POLR3H: variants seen among roughly 807,000 people sequenced by gnomAD.
The protein encoded by POLR3H is RNA polymerase III subunit H.
A neutral mutation model predicts 25.5 loss-of-function variants in POLR3H; 17 were observed. The ratio of observed to expected loss-of-function variants is 0.67; its 90% CI spans 0.46 to 1.00. The LOEUF is 1.00. POLR3H is among the 50% of genes least tolerant of loss of function. POLR3H has a pLI of 0.00. For synonymous variants in POLR3H, 129 were observed against 103.0 expected, an observed-to-expected ratio of 1.25 and a Z score of -1.53; for missense variants, 274 against 265.0, an observed-to-expected ratio of 1.03 and a Z score of -0.24.
Position 41,526,518 on chromosome 22 carries a change from A to AG in POLR3H, c.*2764dup. 6.5e-7 allele frequency: 1 copy of AG among 1,541,436 alleles called. No homozygotes were observed. The highest frequency in any genetic ancestry group is 8.8e-7 in the Non-Finnish European group (1 of 1,136,566). ...CTGAAGGGGCCTGCAAGGCAGGTGCAGGGAGGACATTAGGGGAGTGGAAAC... is the reference window on the plus strand; with the variant it reads ...CTGAAGGGGCCTGCAAGGCAGGTGCAGGGGAGGACATTAGGGGAGTGGAAAC... On this transcript the variant is annotated 3_prime_UTR_variant, in exon 6 of 6. Transcript: ENST00000355209.
intron 2 of POLR3H, among the ~76,000 whole-genome samples, chr22:41,536,263 C>T (rs1212450298): frequency 2.7e-5 from 4 of 149,700 alleles, no homozygotes; most frequent in East Asian, 4.1e-4. Context: ...GGCGTGGTGG[C>T]GGGCACCTGT....
At position 41,527,853 on chromosome 22, in the gene POLR3H, C is replaced by G; in HGVS notation, c.*1430G>C. 6.2e-7 allele frequency: 1 copy of G among 1,613,828 alleles called. No individual in the cohort carries two copies. On this transcript the variant is annotated 3_prime_UTR_variant, in exon 6 of 6. Transcript: ENST00000355209. Reference sequence around the variant, plus strand: ...CCAGATGGGTTCAGAAAATGAAGCTCTCCAGGCTAGTCAGGCCCCCGATGA... The same window carrying G: ...CCAGATGGGTTCAGAAAATGAAGCTGTCCAGGCTAGTCAGGCCCCCGATGA...
At chr22:41,538,648 G>A (rs890260075) in intron 2 of POLR3H, among the ~76,000 whole-genome samples, 2 of 152,198 alleles carry the variant, frequency 1.3e-5, no homozygotes, top group South Asian at 4.1e-4. Flanking sequence ...CTGTCCAAAT[G>A]CGGAGACTGG....
At position 41,528,493 on chromosome 22, in the gene POLR3H, C is replaced by T; in HGVS notation, c.*790G>A. 1 of 1,612,322 alleles carries T rather than the reference C, an allele frequency of 6.2e-7. No individual in the cohort carries two copies. Among genetic ancestry groups the T allele is most frequent in the Non-Finnish European group, 8.5e-7 (1 of 1,180,008 alleles). ...TCTCCTTGCAGCCCCTGAAGTGCAT[C>T]ATCAAGCACCCCAACGGGACCCAGG... On this transcript the variant is annotated 3_prime_UTR_variant, in exon 6 of 6. Transcript: ENST00000355209.
In POLR3H at chr22:41,544,129, C is replaced by T; in HGVS notation, c.-28G>A. 6.9e-7 allele frequency: 1 copy of T among 1,456,622 alleles called. No individual in the cohort carries two copies. Among genetic ancestry groups the T allele is most frequent in the Admixed American group, 1.7e-5 (1 of 58,848 alleles). The allele number at this position is 1,456,622 out of a possible 1,614,324, so 90.2% of individuals were successfully genotyped here. A position where few individuals can be genotyped will look rare whatever the true frequency, so the allele number is the denominator to read the frequency against. ...CGGCCTGCGCTGGGGGCTCTGGGAA[C>T]AGGAGGGTCAGTCACGCACCAGGGC... On this transcript the variant is annotated 5_prime_UTR_variant, in exon 1 of 6. Coordinates refer to ENST00000355209, the MANE Select transcript of POLR3H (RefSeq NM_001018050.4).
At chr22:41,533,394 G>C (rs2066781610) in intron 2 of POLR3H, 1 of 664,138 alleles carries the variant, frequency 1.5e-6, no homozygotes, top group Admixed American at 4.3e-5. Flanking sequence ...CTGAGAATCA[G>C]CACGCGGCTG....
Position 41,527,898 on chromosome 22 carries a change from C to T in POLR3H, c.*1385G>A. On this transcript the variant is annotated 3_prime_UTR_variant, in exon 6 of 6. Transcript: ENST00000355209. ...CGATGACCGAATGCCGCCTGCTTTC[C>T]AGAGACCAACCTGAAGAAACAGGGC... The T allele has an allele frequency of 6.2e-7, 1 of 1,614,200 alleles. No individual in the cohort carries two copies. Among genetic ancestry groups the T allele is most frequent in the Non-Finnish European group, 8.5e-7 (1 of 1,180,036 alleles).
chr22:41,540,996 T>C (rs2145572340), intron 1 of POLR3H, among the ~76,000 whole-genome samples: 1 of 152,172 alleles, frequency 6.6e-6, no homozygotes, highest in African/African-American at 2.4e-5. Flanking sequence ...GGGCCTCGGG[T>C]GACAAAACAG....
At chr22:41,538,979 G>C (rs1020986434) in intron 2 of POLR3H, among the ~76,000 whole-genome samples, 2 of 152,156 alleles carry the variant, frequency 1.3e-5, no homozygotes, top group African/African-American at 4.8e-5. Flanking sequence ...AACAGTCTTT[G>C]GGGCTGGGGG....
At chr22:41,533,539 T>C (rs909332543) in intron 2 of POLR3H, 7 of 1,245,594 alleles carry the variant, frequency 5.6e-6, no homozygotes, top group Non-Finnish European at 6.2e-6. Context: ...GGCCACCGGG[T>C]CGAATCTTGC....
chr22:41,542,824 GAAACCCC>G (rs1306945578), intron 1 of POLR3H, among the ~76,000 whole-genome samples: 1 of 152,118 alleles, frequency 6.6e-6, no homozygotes, highest in African/African-American at 2.4e-5. Context: ...CCAACATGGT[GAAACCCC>G]GTCTCTACTA....
At chr22:41,533,512 C>T (rs2066785446) in intron 2 of POLR3H, 6 of 1,220,328 alleles carry the variant, frequency 4.9e-6, no homozygotes, top group Non-Finnish European at 6.3e-6. Context: ...CCTGGTCTTT[C>T]TGTACCCACC....
At chr22:41,537,693 T>G in intron 2 of POLR3H, among the ~76,000 whole-genome samples, 1 of 152,178 alleles carries the variant, frequency 6.6e-6, no homozygotes, top group East Asian at 1.9e-4. Flanking sequence ...TAGGTCCTTG[T>G]GATCACTCCA....
chr22:41,528,576 G>A lies in POLR3H; in HGVS notation c.*707C>T. 6.2e-7 allele frequency: 1 copy of A among 1,612,690 alleles called. No individual in the cohort carries two copies. The highest frequency in any genetic ancestry group is 8.5e-7 in the Non-Finnish European group (1 of 1,180,006). On this transcript the variant is annotated 3_prime_UTR_variant, in exon 6 of 6. Transcript: ENST00000355209. ...ACGCAGATTGAGTGGTTCCGCGCTGGCAGTGCCCTCAACAGAATGAAGGAA... is the reference window on the plus strand; with the variant it reads ...ACGCAGATTGAGTGGTTCCGCGCTGACAGTGCCCTCAACAGAATGAAGGAA...
rs1301598768 is a variant in POLR3H, at chr22:41,540,779, C to G, written c.128G>C (p.Gly43Ala). Residue 43 changes from glycine to alanine, a missense_variant, in exon 2 of 6, where the codon GGA becomes GCA. Gly to Ala is a moderately conservative substitution (Grantham distance 60). Coordinates refer to ENST00000355209, the MANE Select transcript of POLR3H (RefSeq NM_001018050.4). ...GATATCAAACAGACAAATGCAGAGTCCCACGTTGTACACGACCTGCATGCA... is the reference window on the plus strand; with the variant it reads ...GATATCAAACAGACAAATGCAGAGTGCCACGTTGTACACGACCTGCATGCA... Reference protein sequence around the residue: ...KLANKVVYNVGLCICLFDITK... With the variant: ...KLANKVVYNVALCICLFDITK... 1 of 1,613,926 alleles carries G rather than the reference C, an allele frequency of 6.2e-7. No individual in the cohort carries two copies. Among genetic ancestry groups the G allele is most frequent in the East Asian group, 2.2e-5 (1 of 44,888 alleles).
At chr22:41,543,935 TG>T in intron 1 of POLR3H, 55 bp downstream of exon 1, 2 of 1,317,116 alleles carry the variant, frequency 1.5e-6, no homozygotes, top group Non-Finnish European at 2.2e-6. Flanking sequence ...CTGCGGCCAG[TG>T]GGCGGCGCTC....
At position 41,527,283 on chromosome 22, in the gene POLR3H, G is replaced by C; in HGVS notation, c.*2000C>G. 1 of 1,614,188 alleles carries C rather than the reference G, an allele frequency of 6.2e-7. No individual in the cohort carries two copies. Among genetic ancestry groups the C allele is most frequent in the Non-Finnish European group, 8.5e-7 (1 of 1,180,024 alleles). On this transcript the variant is annotated 3_prime_UTR_variant, in exon 6 of 6. Coordinates refer to ENST00000355209, the MANE Select transcript of POLR3H (RefSeq NM_001018050.4). ...CTTATAACCTTACCCCCGCTTGCCT[G>C]ACAGAAACATGGCATCAGGTGGGTG...
Position 41,527,975 on chromosome 22 carries a change from G to C in POLR3H, c.*1308C>G. 1.2e-6 allele frequency: 2 copies of C among 1,614,172 alleles called. No individual in the cohort carries two copies. Among genetic ancestry groups the C allele is most frequent in the Non-Finnish European group, 8.5e-7 (1 of 1,180,024 alleles). ...GGCTGACTACAACAAGATTCACCCT[G>C]TGGACAAGCTGACCATTCAGGGCCT... On this transcript the variant is annotated 3_prime_UTR_variant, in exon 6 of 6. Coordinates refer to ENST00000355209, the MANE Select transcript of POLR3H (RefSeq NM_001018050.4).
At chr22:41,540,490 C>A in intron 2 of POLR3H, 1 of 621,306 alleles carries the variant, frequency 1.6e-6, no homozygotes, top group Non-Finnish European at 2.9e-6. Flanking sequence ...TTGACTTTAG[C>A]CTTTTAAAAT....
Sources: gnomAD v4.1 joint callset for allele counts (sites outside exome capture counted in the v4.1 genomes callset) on GRCh38, gnomAD v4.1.1 for gene constraint, MANE v1.5 for transcripts, NCBI Gene and HGNC (gene_info 2026-07-23, HGNC 2026-07-21) for gene names.